Variants in COG5 observed in about 807,000 individuals in gnomAD.
COG5 encodes the protein component of oligomeric golgi complex 5.
In COG5, 86 loss-of-function variants were observed where a neutral mutation model predicts 110.4. The ratio of observed to expected loss-of-function variants is 0.78; its 90% CI spans 0.65 to 0.93. The LOEUF is 0.93. Ranked by LOEUF, COG5 falls within the 40% of genes least tolerant of loss-of-function variation. The pLI is 0.00. For missense variants in COG5, 1,077 were observed against 987.0 expected, an observed-to-expected ratio of 1.09 and a Z score of -1.22; for synonymous variants, 360 against 334.6, an observed-to-expected ratio of 1.08 and a Z score of -0.83.
intron 1 of COG5, among the ~76,000 whole-genome samples, chr7:107,562,476 T>C (rs1001927057): frequency 3.9e-5 from 6 of 152,222 alleles, no homozygotes; most frequent in Non-Finnish European, 7.3e-5. Flanking sequence ...TTATATGCAA[T>C]CCTACTGCTA....
chr7:107,488,875 AT>A (rs936339714), intron 6 of COG5, among the ~76,000 whole-genome samples: 14 of 152,098 alleles, frequency 9.2e-5, no homozygotes, highest in African/African-American at 2.2e-4. Flanking sequence ...TAAAAAAAAA[AT>A]AACAGCATTT....
At chr7:107,352,506 A>C (rs1477135589) in intron 10 of COG5, among the ~76,000 whole-genome samples, 2 of 143,950 alleles carry the variant, frequency 1.4e-5, no homozygotes, top group South Asian at 4.4e-4. Flanking sequence ...GGTAATTGTA[A>C]AAAAAAAACA....
intron 11 of COG5, among the ~76,000 whole-genome samples, chr7:107,320,046 T>C (rs1198186475): frequency 2.0e-5 from 3 of 152,128 alleles, no homozygotes; most frequent in African/African-American, 7.2e-5. Flanking sequence ...TCTGATGTTG[T>C]AGAGTGTGAC....
At chr7:107,375,855 A>G (rs1814596331) in intron 7 of COG5, among the ~76,000 whole-genome samples, 1 of 151,964 alleles carries the variant, frequency 6.6e-6, no homozygotes, top group Non-Finnish European at 1.5e-5. Flanking sequence ...TCTACGGTTT[A>G]GTACTTTTGG....
intron 10 of COG5, among the ~76,000 whole-genome samples, chr7:107,328,092 C>A (rs1378172774): frequency 1.3e-5 from 2 of 152,198 alleles, no homozygotes; most frequent in Non-Finnish European, 2.9e-5. Flanking sequence ...TTCAGTCATG[C>A]ATTTCTGAAT....
intron 1 of COG5, among the ~76,000 whole-genome samples, chr7:107,560,677 G>T (rs1803703366): frequency 6.6e-6 from 1 of 152,168 alleles, no homozygotes; most frequent in Non-Finnish European, 1.5e-5. Flanking sequence ...AACAGAAAAA[G>T]TGAATTCATT....
chr7:107,298,887 C>T (rs1807001363), intron 11 of COG5, among the ~76,000 whole-genome samples: 1 of 152,078 alleles, frequency 6.6e-6, no homozygotes, highest in South Asian at 2.1e-4. Flanking sequence ...AAAAAGATAC[C>T]TGAAAAGAAT....
intron 5 of COG5, among the ~76,000 whole-genome samples, chr7:107,545,597 A>G (rs1802353073): frequency 6.6e-6 from 1 of 151,924 alleles, no homozygotes. Flanking sequence ...CTGGCCAAGA[A>G]GGCGAAATGC....
rs537685413 is a variant in COG5 at position 107,361,582 on chromosome 7, G to C, written c.1026+451C>G. On this transcript the variant is annotated intron_variant, in intron 10 of 21. Coordinates refer to ENST00000297135, the MANE Select transcript of COG5 (RefSeq NM_006348.5). ...TTTTAGTTTATTTATTTATTTTTGA[G>C]ATAGAGTTTCACTCTGTCGCCGAGG... is the stretch of plus-strand genomic sequence containing the variant. Among the ~76,000 whole-genome samples the C allele has an allele frequency of 6.6e-5, 10 of 152,294 alleles. No homozygotes were observed. In the Middle Eastern group the frequency reaches 0.01, roughly 155 times the overall value.
intron 6 of COG5, among the ~76,000 whole-genome samples, chr7:107,510,359 G>A (rs936911525): frequency 4.6e-5 from 7 of 152,120 alleles, no homozygotes; most frequent in Non-Finnish European, 1.0e-4. Context: ...TATCCTAAAT[G>A]TATATGCACC....
intron 6 of COG5, among the ~76,000 whole-genome samples, chr7:107,507,077 A>G (rs965505252): frequency 6.6e-6 from 1 of 152,066 alleles, no homozygotes; most frequent in Non-Finnish European, 1.5e-5. Flanking sequence ...GAGTAGGATA[A>G]AGGTCTTCCC....
intron 6 of COG5, among the ~76,000 whole-genome samples, chr7:107,500,069 G>A (rs570346655): frequency 1.9e-4 from 29 of 152,176 alleles, no homozygotes; most frequent in African/African-American, 7.0e-4. Context: ...ACCAAACTGA[G>A]ACCCTGTAAA....
chr7:107,548,625 G>C (rs1399431968), intron 3 of COG5, among the ~76,000 whole-genome samples: 1 of 152,106 alleles, frequency 6.6e-6, no homozygotes, highest in East Asian at 1.9e-4. Context: ...TACTGAGGAT[G>C]GTTGCACAAC....
At chr7:107,208,952 C>G (rs889675278) in intron 21 of COG5, 24 of 982,950 alleles carry the variant, frequency 2.4e-5, no homozygotes, top group Non-Finnish European at 2.9e-5. Flanking sequence ...CCTGGACCTT[C>G]TTGGGGAGCT....
In COG5 at chr7:107,201,581, T is replaced by C. The variant is rs892397863; in HGVS notation, c.*1935A>G. ...TGAGTCTTGAAATGATTTAATAATA[T>C]GAGTGAGGATTTGCTTTCTCCATTA... On this transcript the variant is annotated 3_prime_UTR_variant, in exon 22 of 22. Transcript: ENST00000297135. 6 of 463,364 alleles carry C rather than the reference T, an allele frequency of 1.3e-5. No individual in the cohort carries two copies. Among genetic ancestry groups the C allele is most frequent in the Admixed American group, 3.9e-5 (1 of 25,558 alleles). 28.7% of individuals were successfully genotyped at this position (463,364 alleles called of 1,614,324 possible).
chr7:107,201,682 A>G lies in COG5; in HGVS notation c.*1834T>C. Reference sequence around the variant, plus strand: ...CTTCCAAACTTCATATATGTCTATCAGGTAATAATAGGCTTGAAAATTGAT... The same window carrying G: ...CTTCCAAACTTCATATATGTCTATCGGGTAATAATAGGCTTGAAAATTGAT... On this transcript the variant is annotated 3_prime_UTR_variant, in exon 22 of 22. Coordinates refer to ENST00000297135, the MANE Select transcript of COG5 (RefSeq NM_006348.5). 5.4e-6 allele frequency: 2 copies of G among 373,130 alleles called. No homozygotes were observed. Among genetic ancestry groups the G allele is most frequent in the Admixed American group, 8.9e-5 (2 of 22,482 alleles). 23.1% of individuals were successfully genotyped at this position (373,130 alleles called of 1,614,324 possible).
rs1796860563 is a variant in COG5 at position 107,474,657 on chromosome 7, T to C, written c.538+52580A>G. On this transcript the variant is annotated intron_variant, in intron 6 of 21. Transcript: ENST00000297135. The surrounding 1 kb of genome is among the most constrained non-coding windows in gnomAD (Gnocchi z 5.7). Reference sequence around the variant, plus strand: ...AAAACAAGACACTTTTATGTGTCAGTACAAATGAATACTACACTGAACTGG... The same window carrying C: ...AAAACAAGACACTTTTATGTGTCAGCACAAATGAATACTACACTGAACTGG... The C allele has an allele frequency of 6.2e-7, 1 of 1,609,162 alleles. No individual in the cohort carries two copies. The highest frequency in any genetic ancestry group is 8.5e-7 in the Non-Finnish European group (1 of 1,176,110).
intron 6 of COG5, among the ~76,000 whole-genome samples, chr7:107,512,594 T>C (rs1201729856): frequency 6.6e-6 from 1 of 152,146 alleles, no homozygotes; most frequent in Non-Finnish European, 1.5e-5. Context: ...GCCAAGTCAA[T>C]CCTAAGCCAA....
At chr7:107,236,362 AAAAACACCGATG>A in intron 18 of COG5, 76 bp downstream of exon 18, 4 of 1,017,828 alleles carry the variant, frequency 3.9e-6, no homozygotes, top group Non-Finnish European at 6.3e-6. Flanking sequence ...GCAACTCTTT[AAAAACACCGATG>A]AAAACACATT....
Sources: gnomAD v4.1 joint callset for allele counts (sites outside exome capture counted in the v4.1 genomes callset) on GRCh38, gnomAD v4.1.1 for gene constraint, Gnocchi (gnomAD v3.1) non-coding constraint, MANE v1.5 for transcripts, NCBI Gene and HGNC (gene_info 2026-07-23, HGNC 2026-07-21) for gene names.